FARS2: variants seen among roughly 807,000 people sequenced by gnomAD.
FARS2 encodes the protein phenylalanine--tRNA ligase, mitochondrial.
Under a neutral mutation model 46.4 loss-of-function variants are expected in FARS2, and 40 were observed. The observed-to-expected ratio is 0.86, with a 90% CI of 0.67 to 1.12. The LOEUF (loss-of-function observed/expected upper bound fraction) is 1.12. FARS2 is among the 50% of genes most tolerant of loss of function. The probability of loss-of-function intolerance (pLI) is 0.00; values close to 1 mark genes in which losing one functional copy is unlikely to be tolerated. For synonymous variants in FARS2, 234 were observed against 214.9 expected (o/e 1.09, Z -0.78); for missense variants, 513 against 567.9 (o/e 0.90, Z 0.98).
Position 5,367,578 on chromosome 6 carries a change from C to T in FARS2, c.-21-972C>T, listed in dbSNP as rs73718081. On this transcript the variant is annotated intron_variant, in intron 1 of 6. Coordinates refer to ENST00000274680, the MANE Select transcript of FARS2 (RefSeq NM_006567.5). ...ATACTTAGGTCCTTCTCACCTCATC[C>T]GTGACTTGAACCGCCTATACTAGAT... Among the ~76,000 whole-genome samples the T allele has an allele frequency of 4.4e-3, 670 of 151,594 alleles. 7 individuals are homozygous for T. The highest frequency in any genetic ancestry group is 0.015 in the African/African-American group (633 of 41,312).
At chr6:5,755,092 T>TTAGAGTTGTCTTCCAA (rs1762137172) in intron 6 of FARS2, among the ~76,000 whole-genome samples, 3 of 152,252 alleles carry the variant, frequency 2.0e-5, no homozygotes, top group Non-Finnish European at 4.4e-5. Context: ...AAACAGTTCC[T>TTAGAGTTGTCTTCCAA]TAGAGTTGTC....
chr6:5,274,027 A>G (rs777043300), intron 1 of FARS2, among the ~76,000 whole-genome samples: 12 of 152,338 alleles, frequency 7.9e-5, no homozygotes, highest in Non-Finnish European at 1.3e-4. Context: ...TTTATAAATT[A>G]AACTTTATCA....
rs187241978 is a variant in FARS2 at position 5,263,022 on chromosome 6, C to G, written c.-22+1362C>G. Among the ~76,000 whole-genome samples, 181 of 152,250 alleles carry G rather than the reference C, an allele frequency of 1.2e-3. No individual in the cohort carries two copies. The Middle Eastern group carries it at 0.024, about 20-fold the overall frequency. On this transcript the variant is annotated intron_variant, in intron 1 of 6. Coordinates refer to ENST00000274680, the MANE Select transcript of FARS2 (RefSeq NM_006567.5). ...TGATATGAAATGATATGCGGCACCT[C>G]AAAGCTACAACATTAATGCAAGTTA...
At chr6:5,545,548 C>T (rs894857391) in intron 5 of FARS2, among the ~76,000 whole-genome samples, 8 of 150,898 alleles carry the variant, frequency 5.3e-5, no homozygotes, top group African/African-American at 7.4e-5. Context: ...CCTATCAACC[C>T]GTCATCTAGG....
At chr6:5,293,229 C>T (rs190972163) in intron 1 of FARS2, among the ~76,000 whole-genome samples, 30 of 152,128 alleles carry the variant, frequency 2.0e-4, no homozygotes, top group Non-Finnish European at 2.9e-4. Context: ...GATACAAGGC[C>T]GTGAAAGAGG....
intron 1 of FARS2, among the ~76,000 whole-genome samples, chr6:5,322,403 G>T (rs1200033915): frequency 1.3e-5 from 2 of 152,202 alleles, no homozygotes; most frequent in African/African-American, 4.8e-5. Flanking sequence ...CCACAATGAA[G>T]AGTGTTTGTC....
chr6:5,683,642 T>C (rs1779147120), intron 6 of FARS2, among the ~76,000 whole-genome samples: 1 of 152,052 alleles, frequency 6.6e-6, no homozygotes, highest in Non-Finnish European at 1.5e-5. Context: ...CCGGGATTCA[T>C]GTGCAGAACT....
At chr6:5,434,286 A>T (rs545412515) in intron 4 of FARS2, among the ~76,000 whole-genome samples, 1 of 151,890 alleles carries the variant, frequency 6.6e-6, no homozygotes, top group Non-Finnish European at 1.5e-5. Context: ...TAATTTTTGT[A>T]TTTTTAGTAG....
At chr6:5,435,841 A>G (rs1376619612) in intron 4 of FARS2, among the ~76,000 whole-genome samples, 1 of 152,256 alleles carries the variant, frequency 6.6e-6, no homozygotes, top group Non-Finnish European at 1.5e-5. Flanking sequence ...AGTTGAAAAT[A>G]TCTTTTTAAA....
chr6:5,253,951 G>A, the FARS2 span, among the ~76,000 whole-genome samples: 4 of 152,118 alleles, frequency 2.6e-5, no homozygotes, highest in African/African-American at 4.8e-5. Flanking sequence ...GTGACAACTG[G>A]TGATGACCAG....
At chr6:5,381,243 C>T (rs940829810) in intron 2 of FARS2, among the ~76,000 whole-genome samples, 10 of 151,960 alleles carry the variant, frequency 6.6e-5, no homozygotes, top group South Asian at 4.2e-4. Flanking sequence ...GTTATCCGCC[C>T]GCCTCGGCCT....
intron 4 of FARS2, among the ~76,000 whole-genome samples, chr6:5,502,043 G>A (rs1429197007): frequency 6.6e-6 from 1 of 152,168 alleles, no homozygotes; most frequent in Non-Finnish European, 1.5e-5. Context: ...AGGTGCTCTT[G>A]ATAAAACAGT....
chr6:5,684,648 C>T (rs919425099), intron 6 of FARS2, among the ~76,000 whole-genome samples: 19 of 152,210 alleles, frequency 1.2e-4, no homozygotes, highest in African/African-American at 4.6e-4. Context: ...AGTCAGGAAG[C>T]TTCTTTCTCT....
At chr6:5,702,740 T>C (rs1050689220) in intron 6 of FARS2, among the ~76,000 whole-genome samples, 3 of 152,270 alleles carry the variant, frequency 2.0e-5, no homozygotes, top group African/African-American at 7.2e-5. Flanking sequence ...CCAAGGATTC[T>C]GGTTACTTGG....
chr6:5,673,825 T>G (rs1778609007), intron 6 of FARS2, among the ~76,000 whole-genome samples: 1 of 152,168 alleles, frequency 6.6e-6, no homozygotes, highest in African/African-American at 2.4e-5. Context: ...GAGTATGAGA[T>G]GGACTTAACA....
chr6:5,258,738 A>G (rs1266209815), upstream of FARS2, among the ~76,000 whole-genome samples: 1 of 152,244 alleles, frequency 6.6e-6, no homozygotes, highest in African/African-American at 2.4e-5. Context: ...ATATTTGGAT[A>G]GTAAATTTAG....
intron 4 of FARS2, among the ~76,000 whole-genome samples, chr6:5,463,941 A>G (rs549062566): frequency 2.6e-5 from 4 of 152,316 alleles, no homozygotes; most frequent in African/African-American, 9.6e-5. Context: ...TAGTAAGGTA[A>G]TGTAGTCGTG....
chr6:5,369,785 T>A (rs929186775), intron 2 of FARS2, among the ~76,000 whole-genome samples: 2 of 152,148 alleles, frequency 1.3e-5, no homozygotes, highest in African/African-American at 2.4e-5. Flanking sequence ...GCATGGAGCC[T>A]TTTCCCAACT....
At chr6:5,418,739 G>A (rs943023846) in intron 3 of FARS2, among the ~76,000 whole-genome samples, 4 of 152,050 alleles carry the variant, frequency 2.6e-5, no homozygotes, top group African/African-American at 4.8e-5. Context: ...CCAGACTCCC[G>A]GCTCTGTCTC....
Sources: allele counts gnomAD v4.1 joint callset (sites outside exome capture counted in the v4.1 genomes callset), GRCh38; gene constraint gnomAD v4.1.1; transcripts MANE v1.5; gene names NCBI Gene and HGNC (gene_info 2026-07-23, HGNC 2026-07-21).